Variants in GRIK1 observed in about 807,000 individuals in gnomAD.
GRIK1 encodes the protein glutamate ionotropic receptor kainate type subunit 1.
GRIK1 carries 69 observed loss-of-function variants against 105.7 expected under a neutral mutation model. That is an observed-to-expected ratio of 0.65 (90% CI 0.54 to 0.80). The LOEUF is 0.80. Ranked by LOEUF, GRIK1 falls within the 30% of genes least tolerant of loss-of-function variation. GRIK1 has a pLI of 0.00. For synonymous variants in GRIK1, 438 were observed against 431.3 expected (o/e 1.02, Z -0.19); for missense variants, 1,109 against 1,167.3 (o/e 0.95, Z 0.73).
At chr21:29,756,612 T>C (rs1160894071) in intron 1 of GRIK1, among the ~76,000 whole-genome samples, 1 of 151,742 alleles carries the variant, frequency 6.6e-6, no homozygotes, top group Admixed American at 6.6e-5. Context: ...ATCTTACAAA[T>C]ATCCAATGAA....
chr21:29,935,018 T>A (rs1033861962), intron 1 of GRIK1, among the ~76,000 whole-genome samples: 1 of 152,134 alleles, frequency 6.6e-6, no homozygotes, highest in Admixed American at 6.6e-5. Flanking sequence ...AGGACCAACA[T>A]GATTTTGAAG....
chr21:29,736,356 A>G lies in GRIK1; in HGVS notation c.119-42293T>C, dbSNP rs369671048. Reference sequence around the variant, plus strand: ...ACTGATTCTCCAACTTCAGCCTCCCAAGTAGCTGGGACCACAGGTGCATGC... The same window carrying G: ...ACTGATTCTCCAACTTCAGCCTCCCGAGTAGCTGGGACCACAGGTGCATGC... On this transcript the variant is annotated intron_variant, in intron 1 of 17. Coordinates refer to ENST00000327783, the MANE Select transcript of GRIK1 (RefSeq NM_001330994.2). Among the ~76,000 whole-genome samples, 438 of 152,168 alleles carry G rather than the reference A, an allele frequency of 2.9e-3. 2 individuals carry two copies. Among genetic ancestry groups the G allele is most frequent in the African/African-American group, 0.01 (428 of 41,502 alleles).
rs1334432934 is a variant in GRIK1 at position 29,689,826 on chromosome 21, T to C, written c.446A>G (p.Asn149Ser). Residue 149 changes from asparagine (N) to serine (S), a missense_variant, in exon 3 of 18, where the codon AAC becomes AGC. Asn to Ser is a conservative substitution (Grantham distance 46). This residue lies in a region of GRIK1 where 612 missense variants were observed against 586.0 expected (regional missense o/e 1.04). Transcript: ENST00000327783. ...SVDNKDLFYI[N>S]LYPDYAAISR... ...GATAGCTGCATAATCTGGGTAAAGGTTGATGTAAAACAAATCTTTGTTGTC... is the reference window on the plus strand; with the variant it reads ...GATAGCTGCATAATCTGGGTAAAGGCTGATGTAAAACAAATCTTTGTTGTC... The C allele has an allele frequency of 6.8e-6, 11 of 1,613,894 alleles. No homozygotes were observed. The highest frequency in any genetic ancestry group is 5.3e-5 in the African/African-American group (4 of 74,898).
intron 1 of GRIK1, among the ~76,000 whole-genome samples, chr21:29,788,593 T>C (rs2066326825): frequency 6.6e-6 from 1 of 152,242 alleles, no homozygotes; most frequent in African/African-American, 2.4e-5. Flanking sequence ...GGTTTCAGGA[T>C]GATTCAAGTG....
At chr21:29,648,527 A>G (rs189879015) in intron 6 of GRIK1, among the ~76,000 whole-genome samples, 7 of 152,228 alleles carry the variant, frequency 4.6e-5, no homozygotes, top group Admixed American at 2.0e-4. Context: ...TAGCACATTA[A>G]TTTCTTTATT....
rs1367354305 is a variant in GRIK1 at position 29,689,775 on chromosome 21, A to G, written c.497T>C (p.Leu166Pro). 6.2e-7 allele frequency: 1 copy of G among 1,613,806 alleles called. No individual in the cohort carries two copies. Among genetic ancestry groups the G allele is most frequent in the Non-Finnish European group, 8.5e-7 (1 of 1,179,834 alleles). The change falls in exon 3 of 18, where the codon CTC (leucine) becomes CCC (proline). Residue 166 changes from leucine (L) to proline (P), a missense_variant. By Grantham distance (98) the Leu-to-Pro change is moderately conservative. Around this residue, in one of 5 missense-constraint regions of GRIK1, gnomAD observed 612 missense variants for 586.0 expected, o/e 1.04. Coordinates refer to ENST00000327783, the MANE Select transcript of GRIK1 (RefSeq NM_001330994.2). ...TGTCACTGTTTTCCAGTTGTAATAGAGGACCAGATCCAGGATCGCCCTGCT... is the reference window on the plus strand; with the variant it reads ...TGTCACTGTTTTCCAGTTGTAATAGGGGACCAGATCCAGGATCGCCCTGCT... ...AISRAILDLV[L>P]YYNWKTVTVV...
At chr21:29,762,658 G>T (rs573976435) in intron 1 of GRIK1, among the ~76,000 whole-genome samples, 5 of 150,478 alleles carry the variant, frequency 3.3e-5, no homozygotes, top group South Asian at 4.1e-4. Flanking sequence ...GGCAACTTCT[G>T]TCTGTGCATT....
intron 7 of GRIK1, among the ~76,000 whole-genome samples, chr21:29,606,202 A>G (rs2061611844): frequency 6.6e-6 from 1 of 152,218 alleles, no homozygotes; most frequent in Non-Finnish European, 1.5e-5. Flanking sequence ...GCAGAGATGT[A>G]AATGATTTCC....
intron 14 of GRIK1, among the ~76,000 whole-genome samples, chr21:29,573,496 T>C (rs1568834186): frequency 6.6e-6 from 1 of 151,720 alleles, no homozygotes; most frequent in Non-Finnish European, 1.5e-5. Context: ...TTCCAGCACT[T>C]TGGGAGGCCG....
rs1485689886 is a variant in GRIK1 at position 29,689,915 on chromosome 21, C to T, written c.357G>A (p.Val119=). The T allele has an allele frequency of 6.2e-7, 1 of 1,613,170 alleles. No homozygotes were observed. Residue 119 remains valine (V), a synonymous_variant, in exon 3 of 18, where the codon GTG becomes GTA. Transcript: ENST00000327783. The stretch of plus-strand genomic sequence containing the variant: ...CTTCGAGAGCATTGCAAATAGACTG[C>T]ACAGCACTGACGGAGGAGCTATGGG... The part of the protein sequence containing the change: ...GPSHSSSVSA[V]QSICNALEVP...
intron 1 of GRIK1, among the ~76,000 whole-genome samples, chr21:29,713,770 A>G (rs972587667): frequency 5.3e-5 from 8 of 152,236 alleles, no homozygotes; most frequent in Admixed American, 2.6e-4. Flanking sequence ...TGAAATCTGG[A>G]ACACATTGAC....
intron 4 of GRIK1, among the ~76,000 whole-genome samples, chr21:29,668,255 A>G (rs1440986020): frequency 1.3e-5 from 2 of 152,218 alleles, no homozygotes; most frequent in Non-Finnish European, 2.9e-5. Context: ...ACATGAGTAA[A>G]TGTCTTAATT....
chr21:29,793,247 T>C (rs1226435571), intron 1 of GRIK1, among the ~76,000 whole-genome samples: 1 of 152,186 alleles, frequency 6.6e-6, no homozygotes, highest in African/African-American at 2.4e-5. Context: ...GGCTATTGCT[T>C]GTGGATATTC....
At chr21:29,690,690 T>C (rs1406529248) in intron 2 of GRIK1, among the ~76,000 whole-genome samples, 1 of 152,198 alleles carries the variant, frequency 6.6e-6, no homozygotes, top group Non-Finnish European at 1.5e-5. Context: ...AGCTGACAGG[T>C]AGCCTAAATA....
chr21:29,924,727 T>G (rs1277408327), intron 1 of GRIK1, among the ~76,000 whole-genome samples: 1 of 152,186 alleles, frequency 6.6e-6, no homozygotes. Flanking sequence ...ATTTTCTGAG[T>G]AAAACATTGG....
At chr21:29,719,081 C>CATACATATATATAT in intron 1 of GRIK1, among the ~76,000 whole-genome samples, 1 of 143,328 alleles carries the variant, frequency 7.0e-6, no homozygotes, top group South Asian at 2.2e-4. Context: ...TGTGTATATA[C>CATACATATATATAT]ATATATATAT....
At chr21:29,577,649 T>C (rs1815900520) in intron 13 of GRIK1, among the ~76,000 whole-genome samples, 1 of 152,246 alleles carries the variant, frequency 6.6e-6, no homozygotes, top group South Asian at 2.1e-4. Context: ...TTATCACATA[T>C]ACTTTAATAA....
intron 7 of GRIK1, among the ~76,000 whole-genome samples, chr21:29,627,114 G>A (rs1410458334): frequency 6.6e-6 from 1 of 152,152 alleles, no homozygotes; most frequent in Admixed American, 6.5e-5. Flanking sequence ...TCAGGTTCTT[G>A]TATTACAGTA....
At chr21:29,875,209 T>C (rs2069151043) in intron 1 of GRIK1, among the ~76,000 whole-genome samples, 1 of 152,108 alleles carries the variant, frequency 6.6e-6, no homozygotes, top group African/African-American at 2.4e-5. Flanking sequence ...TTAGTGTCTC[T>C]GTAATTGGCC....
Sources: allele counts gnomAD v4.1 joint callset (sites outside exome capture counted in the v4.1 genomes callset), GRCh38; gene constraint gnomAD v4.1.1; regional missense constraint gnomAD v4.1.1; transcripts MANE v1.5; gene names NCBI Gene and HGNC (gene_info 2026-07-23, HGNC 2026-07-21).